The following BRAF variants were observed in gnomAD, a reference collection of about 807,000 sequenced individuals.
The protein encoded by BRAF is B-Raf proto-oncogene, serine/threonine kinase, also known as serine/threonine-protein kinase B-raf.
BRAF carries 16 observed loss-of-function variants against 104.6 expected under a neutral mutation model. The ratio of observed to expected loss-of-function variants is 0.15; its 90% CI spans 0.10 to 0.23. The LOEUF is 0.23. Ranked by LOEUF, BRAF falls within the 10% of genes least tolerant of loss-of-function variation. BRAF has a pLI of 1.00. For missense variants in BRAF, 541 were observed against 937.3 expected, an observed-to-expected ratio of 0.58 and a Z score of 5.52; for synonymous variants, 310 against 341.6, an observed-to-expected ratio of 0.91 and a Z score of 1.02.
chr7:140,808,351 CAAAAAAAAA>C (rs35843886), intron 4 of BRAF: 273 of 198,846 alleles, frequency 1.4e-3, no homozygotes, highest in Middle Eastern at 4.3e-3. Flanking sequence ...TCCTGGGGTC[CAAAAAAAAA>C]AAAAAAAAAA....
chr7:140,729,393 C>T (rs1481210873), intron 19 of BRAF, among the ~76,000 whole-genome samples: 1 of 152,112 alleles, frequency 6.6e-6, no homozygotes, highest in Non-Finnish European at 1.5e-5. Context: ...GCCTGTAATC[C>T]CAGCACTTTG....
chr7:140,720,401 CAT>C lies in BRAF; in HGVS notation c.*6091_*6092del. 1.9e-6 allele frequency: 2 copies of C among 1,062,158 alleles called. No homozygotes were observed. The highest frequency in any genetic ancestry group is 1.6e-5 in the African/African-American group (1 of 61,014). The allele number at this position is 1,062,158 out of a possible 1,614,324, so 65.8% of individuals were successfully genotyped here. Reference sequence around the variant, plus strand: ...ACATACACCCCTGTATGTAAACTAACATAACATGAAGATAAATAAGACATAAA... The same window carrying C: ...ACATACACCCCTGTATGTAAACTAACAACATGAAGATAAATAAGACATAAA... On this transcript the variant is annotated 3_prime_UTR_variant, in exon 20 of 20. Coordinates refer to ENST00000644969, the MANE Select transcript of BRAF (RefSeq NM_001374258.1).
chr7:140,728,847 GAATT>G (rs1387236595), intron 19 of BRAF, among the ~76,000 whole-genome samples: 2 of 151,826 alleles, frequency 1.3e-5, no homozygotes, highest in African/African-American at 4.8e-5. Context: ...AAAATGCCTA[GAATT>G]AATCTATTAA....
intron 1 of BRAF, chr7:140,883,926 C>T (rs755778170): frequency 2.0e-5 from 3 of 152,122 alleles, no homozygotes; most frequent in Non-Finnish European, 4.4e-5. Flanking sequence ...AAGTAATCTT[C>T]CCAGCTTCAT....
intron 1 of BRAF, among the ~76,000 whole-genome samples, chr7:140,920,460 C>T (rs373576442): frequency 5.9e-5 from 9 of 152,308 alleles, no homozygotes; most frequent in East Asian, 5.8e-4. Flanking sequence ...TTTCCAGCTG[C>T]TATATCCAGA....
At chr7:140,733,924 T>C in intron 19 of BRAF, 1 of 839,270 alleles carries the variant, frequency 1.2e-6, no homozygotes, top group South Asian at 5.6e-5. Context: ...TTTATAACAT[T>C]TTCCCGCTAA....
intron 1 of BRAF, among the ~76,000 whole-genome samples, chr7:140,878,562 CAGT>C (rs145656200): frequency 0.081 from 12,304 of 151,850 alleles, 1,604 homozygotes; most frequent in African/African-American, 0.28. Flanking sequence ...TGGAGGTAGA[CAGT>C]AGAGTAGTGG....
rs74624266 is a variant in BRAF at position 140,839,392 on chromosome 7, T to C, written c.241-4520A>G. 8.3e-4 allele frequency among the ~76,000 whole-genome samples: 126 copies of C among 152,266 alleles called. No homozygotes were observed. The East Asian group carries it at 0.018, about 21-fold the overall frequency. The stretch of plus-strand genomic sequence containing the variant: ...TTTTCTAAGAAAAAGTTTAATTATT[T>C]TTTTCTTTCCTCCTCCTCCCCACTT... On this transcript the variant is annotated intron_variant, in intron 2 of 19. Coordinates refer to ENST00000644969, the MANE Select transcript of BRAF (RefSeq NM_001374258.1).
intron 7 of BRAF, among the ~76,000 whole-genome samples, chr7:140,798,272 C>CTTTTTTCTTT (rs1554402873): frequency 8.6e-6 from 1 of 115,614 alleles, no homozygotes; most frequent in East Asian, 2.5e-4. Flanking sequence ...CTTTTTTTTT[C>CTTTTTTCTTT]TTTTTTTTGA....
At chr7:140,879,312 G>A (rs1305898145) in intron 1 of BRAF, among the ~76,000 whole-genome samples, 1 of 151,852 alleles carries the variant, frequency 6.6e-6, no homozygotes, top group African/African-American at 2.4e-5. Flanking sequence ...CTCCCGAGTA[G>A]CTGAGACTAC....
intron 1 of BRAF, among the ~76,000 whole-genome samples, chr7:140,913,112 ACCTC>A (rs766032468): frequency 6.6e-6 from 1 of 151,558 alleles, no homozygotes; most frequent in Non-Finnish European, 1.5e-5. Context: ...GCCTACCCTG[ACCTC>A]CCTATTTAAA....
intron 1 of BRAF, among the ~76,000 whole-genome samples, chr7:140,888,056 T>C (rs566854845): frequency 6.6e-6 from 1 of 152,108 alleles, no homozygotes; most frequent in Non-Finnish European, 1.5e-5. Context: ...GCGTTTTTAA[T>C]AGAGACGGGG....
At chr7:140,803,035 A>C (rs1450881621) in intron 5 of BRAF, among the ~76,000 whole-genome samples, 2 of 152,232 alleles carry the variant, frequency 1.3e-5, no homozygotes, top group Admixed American at 6.5e-5. Context: ...TTAGATACAC[A>C]AACTTGCCAC....
chr7:140,760,120 C>T lies in BRAF; in HGVS notation c.1815-5887G>A, dbSNP rs560638687. On this transcript the variant is annotated intron_variant, in intron 14 of 19. Coordinates refer to ENST00000644969, the MANE Select transcript of BRAF (RefSeq NM_001374258.1). Reference sequence around the variant, plus strand: ...GCCACCAGTAACTATCATATTAAGACGCTGTTTCCTGGCTAGGCACAGTGG... The same window carrying T: ...GCCACCAGTAACTATCATATTAAGATGCTGTTTCCTGGCTAGGCACAGTGG... Among the ~76,000 whole-genome samples, 393 of 152,204 alleles carry T rather than the reference C, an allele frequency of 2.6e-3. 3 individuals are homozygous for T. The highest frequency in any genetic ancestry group is 4.5e-3 in the Non-Finnish European group (306 of 67,990).
At chr7:140,739,341 T>G (rs1165649268) in intron 18 of BRAF, among the ~76,000 whole-genome samples, 1 of 152,032 alleles carries the variant, frequency 6.6e-6, no homozygotes, top group Non-Finnish European at 1.5e-5. Context: ...GCAAAGGGAT[T>G]TGCAAAAAAA....
Position 140,834,771 on chromosome 7 carries a change from A to C in BRAF, c.342T>G (p.Ser114=), listed in dbSNP as rs758557506. The C allele has an allele frequency of 1.2e-6, 2 of 1,614,104 alleles. No homozygotes were observed. Among genetic ancestry groups the C allele is most frequent in the African/African-American group, 1.3e-5 (1 of 74,946 alleles). Residue 114 remains serine (S), a synonymous_variant, in exon 3 of 20, where the codon TCT becomes TCG. Transcript: ENST00000644969. The part of the protein sequence containing the change: ...GNGTDFSVSS[S]ASMDTVTSSS... Reference sequence around the variant, plus strand: ...AAGATGTAACGGTATCCATTGATGCAGAGCTAGAAACAGAAAAATCAGTTC... The same window carrying C: ...AAGATGTAACGGTATCCATTGATGCCGAGCTAGAAACAGAAAAATCAGTTC...
intron 1 of BRAF, among the ~76,000 whole-genome samples, chr7:140,868,504 G>A (rs1264249856): frequency 1.3e-5 from 2 of 151,938 alleles, no homozygotes; most frequent in South Asian, 2.1e-4. Context: ...ATGATTCCAC[G>A]TATATAAAAT....
intron 1 of BRAF, among the ~76,000 whole-genome samples, chr7:140,909,476 A>G (rs1223802079): frequency 1.3e-5 from 2 of 152,188 alleles, no homozygotes; most frequent in African/African-American, 4.8e-5. Flanking sequence ...GTGCAATTTT[A>G]TAATATTTAG....
At chr7:140,835,086 C>G (rs1807183679) in intron 2 of BRAF, 7 of 592,466 alleles carry the variant, frequency 1.2e-5, no homozygotes, top group Non-Finnish European at 2.1e-5. Context: ...TATATTACAC[C>G]TGATAAATTT....
Sources: allele counts gnomAD v4.1 joint callset (sites outside exome capture counted in the v4.1 genomes callset), GRCh38; gene constraint gnomAD v4.1.1; transcripts MANE v1.5; gene names NCBI Gene and HGNC (gene_info 2026-07-23, HGNC 2026-07-21).